The following ARHGAP24 variants were observed in gnomAD, a reference collection of about 807,000 sequenced individuals.
ARHGAP24 encodes rho GTPase-activating protein 24.
In ARHGAP24, 50 loss-of-function variants were observed where a neutral mutation model predicts 76.4. The observed-to-expected ratio is 0.65, with a 90% CI of 0.52 to 0.83. The LOEUF (loss-of-function observed/expected upper bound fraction) is 0.83, where lower values mean the gene tolerates loss of function less well. ARHGAP24 is among the 40% of genes least tolerant of loss of function. The pLI, the probability that ARHGAP24 is intolerant of heterozygous loss-of-function variation, is 0.00. For synonymous variants in ARHGAP24, 345 were observed against 323.3 expected, an observed-to-expected ratio of 1.07 and a Z score of -0.72; for missense variants, 930 against 914.2, an observed-to-expected ratio of 1.02 and a Z score of -0.22.
Position 85,475,534 on chromosome 4 carries a change from G to A in ARHGAP24, c.-46G>A, listed in dbSNP as rs1196520247. 4 of 152,316 alleles carry A rather than the reference G, an allele frequency of 2.6e-5. No individual in the cohort carries two copies. Among genetic ancestry groups the A allele is most frequent in the South Asian group, 2.1e-4 (1 of 4,792 alleles). 9.4% of individuals were successfully genotyped at this position (152,316 alleles called of 1,614,324 possible). A position where few individuals can be genotyped will look rare whatever the true frequency, so the allele number is the denominator to read the frequency against. On this transcript the variant is annotated 5_prime_UTR_variant, in exon 1 of 10. Transcript: ENST00000395184. Reference sequence around the variant, plus strand: ...TTCCTTCGGAGCAGCAGCCCTGTCCGGCATCTGTCTTGAGCTCCCAGCAAG... The same window carrying A: ...TTCCTTCGGAGCAGCAGCCCTGTCCAGCATCTGTCTTGAGCTCCCAGCAAG...
intron 1 of ARHGAP24, among the ~76,000 whole-genome samples, chr4:85,495,094 C>CA (rs77619824): frequency 0.066 from 4,637 of 70,138 alleles, 176 homozygotes; most frequent in Middle Eastern, 0.09. Flanking sequence ...GACTCCGTCT[C>CA]AAAAAAAAAA....
chr4:85,947,048 A>T (rs371273931), intron 5 of ARHGAP24, among the ~76,000 whole-genome samples: 26 of 152,206 alleles, frequency 1.7e-4, no homozygotes, highest in Middle Eastern at 3.4e-3. Context: ...ATGGTATTTC[A>T]CTGTGGTTTT....
At chr4:85,500,074 GA>G (rs545243073) in intron 1 of ARHGAP24, among the ~76,000 whole-genome samples, 22 of 152,036 alleles carry the variant, frequency 1.4e-4, no homozygotes, top group Admixed American at 2.6e-4. Flanking sequence ...GACATAGTAT[GA>G]AAAAAAGAAT....
chr4:85,531,748 A>C (rs1725265996), intron 1 of ARHGAP24, among the ~76,000 whole-genome samples: 1 of 152,088 alleles, frequency 6.6e-6, no homozygotes, highest in African/African-American at 2.4e-5. Flanking sequence ...CTTTTAATAA[A>C]TGAAGAAACA....
rs572545645 is a variant in ARHGAP24, at chr4:85,853,587, T to G, written c.269-70061T>G. ...CACGCTGGGAGCTGCAGACTGGAGC[T>G]CTTCCTATTCGGCCATCTTGGAACG... On this transcript the variant is annotated intron_variant, in intron 3 of 9. Coordinates refer to ENST00000395184, the MANE Select transcript of ARHGAP24 (RefSeq NM_001025616.3). Among the ~76,000 whole-genome samples the G allele has an allele frequency of 2.6e-5, 4 of 152,258 alleles. No individual in the cohort carries two copies. The South Asian group carries it at 8.3e-4, about 32-fold the overall frequency.
chr4:85,598,172 T>G (rs758073307), intron 2 of ARHGAP24, among the ~76,000 whole-genome samples: 3 of 152,102 alleles, frequency 2.0e-5, no homozygotes, highest in Non-Finnish European at 4.4e-5. Flanking sequence ...GTATCAGTTC[T>G]TCTTTTGAAT....
At position 85,794,171 on chromosome 4, in the gene ARHGAP24, A is replaced by G. The variant is rs1165185422; in HGVS notation, c.268+72199A>G. Among the ~76,000 whole-genome samples, 4 of 152,196 alleles carry G rather than the reference A, an allele frequency of 2.6e-5. No homozygotes were observed. In the East Asian group the frequency reaches 5.8e-4, roughly 22 times the overall value. Reference sequence around the variant, plus strand: ...TTTTTAACAGAAGGGTCTATTTTCTATTACCATTTCTGCTATTTGTAAGAG... The same window carrying G: ...TTTTTAACAGAAGGGTCTATTTTCTGTTACCATTTCTGCTATTTGTAAGAG... On this transcript the variant is annotated intron_variant, in intron 3 of 9. Coordinates refer to ENST00000395184, the MANE Select transcript of ARHGAP24 (RefSeq NM_001025616.3).
In ARHGAP24 at chr4:85,908,776, C is replaced by G. The variant is rs529015611; in HGVS notation, c.269-14872C>G. Among the ~76,000 whole-genome samples the G allele has an allele frequency of 8.6e-5, 13 of 151,984 alleles. No homozygotes were observed. In the South Asian group the frequency reaches 2.7e-3, roughly 32 times the overall value. The stretch of plus-strand genomic sequence containing the variant: ...AAATACAGAGCCAGGCATAGATAAT[C>G]CCAGAGCAAGGGAGTCAGGGAAGTA... On this transcript the variant is annotated intron_variant, in intron 3 of 9. Transcript: ENST00000395184.
chr4:85,832,473 A>T (rs1578273169), intron 3 of ARHGAP24, among the ~76,000 whole-genome samples: 1 of 152,366 alleles, frequency 6.6e-6, no homozygotes, highest in East Asian at 1.9e-4. Context: ...ATGACAAATC[A>T]TCAGAAATAC....
intron 2 of ARHGAP24, among the ~76,000 whole-genome samples, chr4:85,678,968 G>T (rs974716622): frequency 1.3e-5 from 2 of 152,192 alleles, no homozygotes; most frequent in Non-Finnish European, 1.5e-5. Context: ...GCAAAAAGCA[G>T]ATTAACACAA....
At chr4:85,638,853 G>A (rs1721417879) in intron 2 of ARHGAP24, among the ~76,000 whole-genome samples, 2 of 152,106 alleles carry the variant, frequency 1.3e-5, no homozygotes, top group African/African-American at 2.4e-5. Context: ...AAAACATACT[G>A]GAGAATTAAA....
chr4:85,911,992 TTAGAA>T (rs1353744522), intron 3 of ARHGAP24, among the ~76,000 whole-genome samples: 1 of 152,184 alleles, frequency 6.6e-6, no homozygotes, highest in Middle Eastern at 3.2e-3. Flanking sequence ...TTACTTGTAA[TTAGAA>T]TAGGTGAGTC....
chr4:85,767,574 C>T (rs1226133569), intron 3 of ARHGAP24, among the ~76,000 whole-genome samples: 1 of 152,032 alleles, frequency 6.6e-6, no homozygotes, highest in African/African-American at 2.4e-5. Context: ...ACAACAAAAG[C>T]AAACTGAGTA....
At chr4:85,547,479 G>A (rs1350085602) in intron 1 of ARHGAP24, among the ~76,000 whole-genome samples, 2 of 151,912 alleles carry the variant, frequency 1.3e-5, no homozygotes, top group East Asian at 3.9e-4. Context: ...TCTGTCACCT[G>A]GACTGGAGAG....
chr4:85,995,256 T>G lies in ARHGAP24; in HGVS notation c.1602T>G (p.Asn534Lys), dbSNP rs764020985. 1 of 1,614,022 alleles carries G rather than the reference T, an allele frequency of 6.2e-7. No individual in the cohort carries two copies. The highest frequency in any genetic ancestry group is 1.1e-5 in the South Asian group (1 of 91,070). ...GQHNRLSTYD[N>K]VHQQFSMMNL... Reference sequence around the variant, plus strand: ...ACAACAGACTGTCCACCTATGATAATGTCCATCAACAGTTCTCCATGATGA... The same window carrying G: ...ACAACAGACTGTCCACCTATGATAAGGTCCATCAACAGTTCTCCATGATGA... The change falls in exon 9 of 10, where the codon AAT (asparagine) becomes AAG (lysine). Residue 534 changes from asparagine (N) to lysine (K), a missense_variant. By Grantham distance (94) the Asn-to-Lys change is moderately conservative. Transcript: ENST00000395184.
intron 3 of ARHGAP24, chr4:85,828,049 TG>T: frequency 8.7e-7 from 1 of 1,153,650 alleles, no homozygotes; most frequent in Non-Finnish European, 1.2e-6. Flanking sequence ...TTTAATAATT[TG>T]GGGATATTTA....
intron 2 of ARHGAP24, among the ~76,000 whole-genome samples, chr4:85,644,774 C>CG (rs1272172819): frequency 6.6e-6 from 1 of 151,778 alleles, no homozygotes; most frequent in African/African-American, 2.4e-5. Context: ...CTTTTCTGAA[C>CG]TGTTTCAAGA....
At chr4:85,842,885 A>G (rs1299619215) in intron 3 of ARHGAP24, among the ~76,000 whole-genome samples, 2 of 152,192 alleles carry the variant, frequency 1.3e-5, no homozygotes, top group Non-Finnish European at 1.5e-5. Flanking sequence ...GTGGGGTGGT[A>G]TCAGTAACCC....
chr4:85,861,129 T>C (rs1731875336), intron 3 of ARHGAP24, among the ~76,000 whole-genome samples: 2 of 152,088 alleles, frequency 1.3e-5, no homozygotes, highest in South Asian at 4.1e-4. Flanking sequence ...TATAGCCAGA[T>C]ACTGTTTCAA....
Sources: gnomAD v4.1 joint callset for allele counts (sites outside exome capture counted in the v4.1 genomes callset) on GRCh38, gnomAD v4.1.1 for gene constraint, MANE v1.5 for transcripts, NCBI Gene and HGNC (gene_info 2026-07-23, HGNC 2026-07-21) for gene names.